The following REEP1 variants were observed in gnomAD, a reference collection of about 807,000 sequenced individuals.
REEP1 encodes the protein receptor accessory protein 1, also known as receptor expression-enhancing protein 1.
Under a neutral mutation model 40.3 loss-of-function variants are expected in REEP1, and 22 were observed. That is an observed-to-expected ratio of 0.55 (90% CI 0.39 to 0.78). The LOEUF is 0.78. Among genes scored for constraint, REEP1 ranks in the 30% least tolerant of loss-of-function variants. The pLI is 0.00. For missense variants in REEP1, 280 were observed against 361.1 expected (o/e 0.78, Z 1.82); for synonymous variants, 116 against 139.2 (o/e 0.83, Z 1.17).
At chr2:86,299,127 T>A (rs1679145154) in intron 1 of REEP1, among the ~76,000 whole-genome samples, 1 of 152,232 alleles carries the variant, frequency 6.6e-6, no homozygotes, top group Non-Finnish European at 1.5e-5. Flanking sequence ...GCTGCAGGTG[T>A]CCCACCAGCT....
intron 1 of REEP1, among the ~76,000 whole-genome samples, chr2:86,295,774 C>T (rs1391653796): frequency 6.6e-6 from 1 of 152,142 alleles, no homozygotes; most frequent in Non-Finnish European, 1.5e-5. Context: ...CTCCTGACCT[C>T]GTGATCCGCC....
intron 1 of REEP1, among the ~76,000 whole-genome samples, chr2:86,295,360 C>T (rs1678927406): frequency 6.6e-6 from 1 of 152,194 alleles, no homozygotes; most frequent in Non-Finnish European, 1.5e-5. Context: ...AGGGCCCTGG[C>T]CACCATGTGC....
At chr2:86,240,245 C>G (rs552391167) in intron 5 of REEP1, among the ~76,000 whole-genome samples, 1 of 152,290 alleles carries the variant, frequency 6.6e-6, no homozygotes, top group East Asian at 1.9e-4. Flanking sequence ...CGTGAAGCAC[C>G]GCAGAGGAAC....
intron 1 of REEP1, among the ~76,000 whole-genome samples, chr2:86,294,997 A>G (rs1026104570): frequency 6.6e-6 from 1 of 152,234 alleles, no homozygotes; most frequent in African/African-American, 2.4e-5. Context: ...TGTTTGGCTC[A>G]GGTCCAGCAT....
rs184814096 is a variant in REEP1 at position 86,297,901 on chromosome 2, G to A, written c.33-15659C>T. 4.8e-5 allele frequency: 9 copies of A among 186,080 alleles called. No individual in the cohort carries two copies. In the East Asian group the frequency reaches 1.5e-3, roughly 31 times the overall value. 11.5% of individuals were successfully genotyped at this position (186,080 alleles called of 1,614,324 possible). On this transcript the variant is annotated intron_variant, in intron 1 of 8. Transcript: ENST00000538924. ...CTGTTCCCTTTCCCTAGATGTGTTT[G>A]AGCCAAGAAGGCCTTACTATAAATA...
chr2:86,271,744 G>A (rs1677465475), intron 2 of REEP1, among the ~76,000 whole-genome samples: 1 of 152,210 alleles, frequency 6.6e-6, no homozygotes, highest in Non-Finnish European at 1.5e-5. Flanking sequence ...GGGGGCAAAT[G>A]AGGTTTTGTC....
At chr2:86,290,285 A>T (rs1197228566) in intron 1 of REEP1, among the ~76,000 whole-genome samples, 1 of 152,128 alleles carries the variant, frequency 6.6e-6, no homozygotes, top group Non-Finnish European at 1.5e-5. Flanking sequence ...TTAGATGGGG[A>T]GGTGGGAGGT....
chr2:86,235,205 A>T (rs1469690895), intron 5 of REEP1, among the ~76,000 whole-genome samples: 1 of 152,254 alleles, frequency 6.6e-6, no homozygotes, highest in Non-Finnish European at 1.5e-5. Context: ...AAATGTACAG[A>T]TACAACACAG....
chr2:86,237,523 G>T (rs1217351976), intron 5 of REEP1, among the ~76,000 whole-genome samples: 8 of 152,068 alleles, frequency 5.3e-5, no homozygotes, highest in African/African-American at 1.9e-4. Context: ...TTTTTCTGTT[G>T]TTGTTGTTGT....
chr2:86,309,477 T>G (rs1679658693), intron 1 of REEP1, among the ~76,000 whole-genome samples: 1 of 152,358 alleles, frequency 6.6e-6, no homozygotes, highest in Non-Finnish European at 1.5e-5. Flanking sequence ...ACCTCTTGAC[T>G]CTTACTCTTT....
chr2:86,338,055 C>G (rs969599508), upstream of REEP1: 19 of 1,537,116 alleles, frequency 1.2e-5, no homozygotes, highest in Admixed American at 2.4e-4. Context: ...TCAGTCTGTC[C>G]GTTGCTCAGC....
At chr2:86,257,546 T>C (rs566669265) in intron 3 of REEP1, among the ~76,000 whole-genome samples, 2 of 152,078 alleles carry the variant, frequency 1.3e-5, no homozygotes, top group African/African-American at 4.8e-5. Context: ...CACCCGTTAC[T>C]ACATCTTGCT....
rs1217660600 is a variant in REEP1, at chr2:86,220,041, C to T, written c.712G>A (p.Asp238Asn). Residue 238 changes from aspartate (D) to asparagine (N), a missense_variant, in exon 8 of 9, where the codon GAC becomes AAC. Coordinates refer to ENST00000538924, the MANE Select transcript of REEP1 (RefSeq NM_001371279.1). ...QVQNPLAFSD[D>N]EEEDLLDFMY... ...AAATCCAGCAGGTCTTCCTCCTCGT[C>T]GTCAGAAAACGCCAATGGGTTTTGG... 2.5e-5 allele frequency: 31 copies of T among 1,232,090 alleles called. No individual in the cohort carries two copies. Among genetic ancestry groups the T allele is most frequent in the Non-Finnish European group, 2.9e-5 (29 of 988,004 alleles). The allele number at this position is 1,232,090 out of a possible 1,614,324, so 76.3% of individuals were successfully genotyped here.
intron 1 of REEP1, among the ~76,000 whole-genome samples, chr2:86,323,109 A>G (rs1680346280): frequency 1.3e-5 from 2 of 152,272 alleles, no homozygotes; most frequent in East Asian, 1.9e-4. Context: ...GAGCCAGGGC[A>G]GGAGAACCTC....
At chr2:86,247,628 C>A (rs1339051779) in intron 5 of REEP1, among the ~76,000 whole-genome samples, 8 of 152,066 alleles carry the variant, frequency 5.3e-5, no homozygotes, top group Admixed American at 5.2e-4. Flanking sequence ...GCCGCCCAGG[C>A]TGGAGTGCAG....
In REEP1 at chr2:86,272,140, T is replaced by C. The variant is rs1574064796; in HGVS notation, c.106-8099A>G. On this transcript the variant is annotated intron_variant, in intron 2 of 8. Coordinates refer to ENST00000538924, the MANE Select transcript of REEP1 (RefSeq NM_001371279.1). ...AGGAGGCTGAGGCAGGAGAATTGCT[T>C]GAATCCGGGAAGTGGAGGTTACAGT... 2.0e-5 allele frequency among the ~76,000 whole-genome samples: 3 copies of C among 152,318 alleles called. No homozygotes were observed. In the South Asian group the frequency reaches 6.2e-4, roughly 32 times the overall value.
chr2:86,234,193 A>G (rs549058502), intron 5 of REEP1, among the ~76,000 whole-genome samples: 2 of 152,092 alleles, frequency 1.3e-5, no homozygotes, highest in East Asian at 1.9e-4. Context: ...GGGAGGGGGA[A>G]AAAAAGGGGC....
At chr2:86,258,156 G>A (rs564517485) in intron 3 of REEP1, among the ~76,000 whole-genome samples, 17 of 152,268 alleles carry the variant, frequency 1.1e-4, no homozygotes, top group African/African-American at 3.9e-4. Context: ...TTTATTCTGT[G>A]AATTACTTCA....
At chr2:86,283,985 G>A (rs1213938391) in intron 1 of REEP1, among the ~76,000 whole-genome samples, 1 of 152,152 alleles carries the variant, frequency 6.6e-6, no homozygotes, top group Non-Finnish European at 1.5e-5. Context: ...GGGGGGATGA[G>A]AGAGTAGTGG....
Sources: allele counts gnomAD v4.1 joint callset (sites outside exome capture counted in the v4.1 genomes callset), GRCh38; gene constraint gnomAD v4.1.1; transcripts MANE v1.5; gene names NCBI Gene and HGNC (gene_info 2026-07-23, HGNC 2026-07-21).